TBC1D22A: variants seen among roughly 807,000 people sequenced by gnomAD.
TBC1D22A encodes putative GTPase activator.
Under a neutral mutation model 60.2 loss-of-function variants are expected in TBC1D22A, and 38 were observed. That is an observed-to-expected ratio of 0.63 (90% confidence interval 0.49 to 0.83). The LOEUF (loss-of-function observed/expected upper bound fraction) is 0.83. Among genes scored for constraint, TBC1D22A ranks in the 40% least tolerant of loss-of-function variants. The pLI, the probability that TBC1D22A is intolerant of heterozygous loss-of-function variation, is 0.00. For missense variants in TBC1D22A, 628 were observed against 701.0 expected (o/e 0.90, Z 1.18); for synonymous variants, 302 against 281.7 (o/e 1.07, Z -0.72).
intron 4 of TBC1D22A, among the ~76,000 whole-genome samples, chr22:46,860,766 C>T (rs1196554995): frequency 2.0e-5 from 3 of 152,224 alleles, no homozygotes; most frequent in African/African-American, 4.8e-5. Context: ...TGAGGAGATC[C>T]TGCTGCCAGG....
intron 4 of TBC1D22A, among the ~76,000 whole-genome samples, chr22:46,857,243 G>A (rs916797956): frequency 7.9e-5 from 12 of 152,176 alleles, no homozygotes; most frequent in Non-Finnish European, 5.9e-5. Context: ...GGGGTCTCTG[G>A]GAGAGCTCTC....
intron 11 of TBC1D22A, among the ~76,000 whole-genome samples, chr22:47,076,361 G>GTGTGTATATATATATATATATGTGTGTA (rs1392245000): frequency 9.8e-6 from 1 of 101,922 alleles, no homozygotes; most frequent in African/African-American, 3.6e-5. Context: ...ATATGTGTGT[G>GTGTGTATATATATATATATATGTGTGTA]TATATATATA....
chr22:46,968,100 G>A (rs1364130665), intron 8 of TBC1D22A, among the ~76,000 whole-genome samples: 2 of 152,234 alleles, frequency 1.3e-5, no homozygotes, highest in Non-Finnish European at 2.9e-5. Context: ...CTGAATGACA[G>A]GAGAGGCACC....
chr22:47,118,965 G>A (rs989802795), intron 12 of TBC1D22A, among the ~76,000 whole-genome samples: 1 of 152,104 alleles, frequency 6.6e-6, no homozygotes, highest in Non-Finnish European at 1.5e-5. Context: ...CCTGGCCAAC[G>A]TGGTGGAACC....
At chr22:46,836,767 A>G (rs1468836495) in intron 4 of TBC1D22A, among the ~76,000 whole-genome samples, 1 of 152,236 alleles carries the variant, frequency 6.6e-6, no homozygotes, top group Non-Finnish European at 1.5e-5. Flanking sequence ...ACATAGGCTG[A>G]AAGTGAAGGG....
At chr22:47,096,811 G>A (rs543123983) in intron 11 of TBC1D22A, among the ~76,000 whole-genome samples, 1 of 152,296 alleles carries the variant, frequency 6.6e-6, no homozygotes, top group Non-Finnish European at 1.5e-5. Context: ...GGCAGAGCGA[G>A]ACTCTGTCTC....
intron 11 of TBC1D22A, among the ~76,000 whole-genome samples, chr22:47,104,082 G>A (rs899986845): frequency 5.9e-5 from 9 of 152,242 alleles, no homozygotes; most frequent in East Asian, 1.9e-4. Flanking sequence ...AGAGGCAGGC[G>A]GATCATGAGG....
At chr22:46,873,185 G>T (rs1379675057) in intron 4 of TBC1D22A, among the ~76,000 whole-genome samples, 1 of 152,124 alleles carries the variant, frequency 6.6e-6, no homozygotes, top group East Asian at 1.9e-4. Flanking sequence ...ACAGACTCAT[G>T]AATGAATAAT....
At chr22:46,817,457 C>T (rs2085653590) in intron 4 of TBC1D22A, among the ~76,000 whole-genome samples, 1 of 152,140 alleles carries the variant, frequency 6.6e-6, no homozygotes, top group Non-Finnish European at 1.5e-5. Flanking sequence ...TCTCTGTGTC[C>T]ATGTGTTCTC....
chr22:46,837,877 A>G (rs1443924376), intron 4 of TBC1D22A, among the ~76,000 whole-genome samples: 1 of 152,208 alleles, frequency 6.6e-6, no homozygotes, highest in Non-Finnish European at 1.5e-5. Context: ...CCTGGCCAAG[A>G]TGGTGAAACC....
intron 10 of TBC1D22A, among the ~76,000 whole-genome samples, chr22:47,019,845 C>G (rs900828294): frequency 1.3e-5 from 2 of 150,244 alleles, no homozygotes; most frequent in African/African-American, 2.5e-5. Flanking sequence ...ATCCTCTCCT[C>G]TCTCTTAACT....
intron 9 of TBC1D22A, 61 bp downstream of exon 9, chr22:46,974,460 T>C: frequency 7.1e-7 from 1 of 1,416,546 alleles, no homozygotes; most frequent in Non-Finnish European, 9.7e-7. Flanking sequence ...GAAGAGAGCC[T>C]GAGGCCTTAG....
intron 11 of TBC1D22A, among the ~76,000 whole-genome samples, chr22:47,049,255 T>C (rs1013493964): frequency 6.6e-6 from 1 of 152,238 alleles, no homozygotes; most frequent in Admixed American, 6.5e-5. Context: ...ATTGACATTT[T>C]CCGATATTAA....
chr22:46,768,356 G>A (rs1469654098), intron 1 of TBC1D22A, among the ~76,000 whole-genome samples: 11 of 151,866 alleles, frequency 7.2e-5, no homozygotes, highest in Admixed American at 5.9e-4. Context: ...GTGGTGGCAG[G>A]CGCCTGTAAT....
chr22:46,903,207 G>C (rs772126845), intron 7 of TBC1D22A, among the ~76,000 whole-genome samples: 4 of 152,168 alleles, frequency 2.6e-5, no homozygotes, highest in Admixed American at 1.3e-4. Context: ...GTTCGGGACC[G>C]AGGGCTGAGG....
intron 1 of TBC1D22A, among the ~76,000 whole-genome samples, chr22:46,769,087 C>G (rs2083395807): frequency 9.9e-6 from 1 of 101,486 alleles, no homozygotes; most frequent in African/African-American, 4.0e-5. Context: ...GGGCAAGACT[C>G]TGTCTCAAAA....
At chr22:47,158,643 T>G (rs1343827090) in intron 12 of TBC1D22A, among the ~76,000 whole-genome samples, 1 of 152,162 alleles carries the variant, frequency 6.6e-6, no homozygotes, top group Admixed American at 6.5e-5. Flanking sequence ...GGGCCTCTGC[T>G]GCGTCCTGCT....
intron 4 of TBC1D22A, among the ~76,000 whole-genome samples, chr22:46,823,822 G>A (rs1477169805): frequency 2.6e-5 from 4 of 152,302 alleles, no homozygotes; most frequent in Non-Finnish European, 5.9e-5. Flanking sequence ...CGTCACAGGA[G>A]CCGGGAGTGC....
chr22:47,001,451 GA>G (rs60259224), intron 10 of TBC1D22A, among the ~76,000 whole-genome samples: 37,659 of 105,540 alleles, frequency 0.36, 5,086 homozygotes, highest in East Asian at 0.43. Flanking sequence ...TCTCAAAAAA[GA>G]AAAAAAAAAA....
Sources: allele counts gnomAD v4.1 joint callset (sites outside exome capture counted in the v4.1 genomes callset), GRCh38; gene constraint gnomAD v4.1.1; transcripts MANE v1.5; gene names NCBI Gene and HGNC (gene_info 2026-07-23, HGNC 2026-07-21).